Variants in LARGE1 observed in about 807,000 individuals in gnomAD.
LARGE1 encodes the protein xylosyl- and glucuronyltransferase LARGE1.
A neutral mutation model predicts 87.6 loss-of-function variants in LARGE1; 43 were observed. That is an observed-to-expected ratio of 0.49 (90% CI 0.38 to 0.63). The LOEUF (loss-of-function observed/expected upper bound fraction) is 0.63. LARGE1 is among the 30% of genes least tolerant of loss of function. The pLI, the probability that LARGE1 is intolerant of heterozygous loss-of-function variation, is 0.00. For missense variants in LARGE1, 802 were observed against 1,000.2 expected (o/e 0.80, Z 2.67); for synonymous variants, 434 against 394.6 (o/e 1.10, Z -1.18).
chr22:33,348,138 G>A lies in LARGE1; in HGVS notation c.1132-10337C>T, dbSNP rs144066589. Among the ~76,000 whole-genome samples, 227 of 152,230 alleles carry A rather than the reference G, an allele frequency of 1.5e-3. 1 individual carries two copies. The highest frequency in any genetic ancestry group is 5.2e-3 in the African/African-American group (216 of 41,560). On this transcript the variant is annotated intron_variant, in intron 9 of 14. Coordinates refer to ENST00000397394, the MANE Select transcript of LARGE1 (RefSeq NM_133642.5). ...AGACTTCAAGGAGTGACCCGAAAAG[G>A]GGACTATTCTGAAACACAGGCACTT...
intron 7 of LARGE1, among the ~76,000 whole-genome samples, chr22:33,391,370 G>A (rs958663123): frequency 1.3e-4 from 20 of 152,118 alleles, no homozygotes; most frequent in African/African-American, 4.6e-4. Context: ...ATAAATGGGA[G>A]GTGGGGAAGA....
At chr22:33,904,203 G>T (rs960658364) in intron 1 of LARGE1, among the ~76,000 whole-genome samples, 1 of 152,026 alleles carries the variant, frequency 6.6e-6, no homozygotes, top group Non-Finnish European at 1.5e-5. Flanking sequence ...TTGAGATGGA[G>T]TCTCATTCTG....
At position 33,325,310 on chromosome 22, in the gene LARGE1, TAAG is replaced by T. The variant is rs1380246236; in HGVS notation, c.1288-9065_1288-9063del. 3.3e-5 allele frequency among the ~76,000 whole-genome samples: 5 copies of T among 152,368 alleles called. 1 individual carries two copies. The highest frequency in any genetic ancestry group is 3.3e-4 in the Admixed American group (5 of 15,302). ...GCTGTATCTCCAGCCTCCTTGCAGT[TAAG>T]AATAACTCTGTGATACAGCTCTGGC... On this transcript the variant is annotated intron_variant, in intron 10 of 14. Transcript: ENST00000397394.
At chr22:33,891,611 G>C (rs915277959) in intron 1 of LARGE1, among the ~76,000 whole-genome samples, 1 of 152,138 alleles carries the variant, frequency 6.6e-6, no homozygotes. Flanking sequence ...CAACTCTTCA[G>C]ATCATGAGGA....
intron 12 of LARGE1, among the ~76,000 whole-genome samples, chr22:33,295,042 C>G (rs1301608626): frequency 6.6e-6 from 1 of 152,124 alleles, no homozygotes. Context: ...AACATTTGCC[C>G]AGGGCCTAGC....
At chr22:33,688,891 C>A (rs763034959) in intron 2 of LARGE1, among the ~76,000 whole-genome samples, 7 of 152,100 alleles carry the variant, frequency 4.6e-5, no homozygotes, top group Non-Finnish European at 1.0e-4. Flanking sequence ...AGTGGGCCCA[C>A]TCCACCTCCC....
At chr22:33,405,697 A>G (rs1202521049) in intron 7 of LARGE1, among the ~76,000 whole-genome samples, 1 of 152,180 alleles carries the variant, frequency 6.6e-6, no homozygotes, top group Non-Finnish European at 1.5e-5. Flanking sequence ...TAAATGGTGT[A>G]ACGATCCTTA....
intron 11 of LARGE1, among the ~76,000 whole-genome samples, chr22:33,176,722 G>A (rs1922892747): frequency 6.6e-6 from 1 of 152,192 alleles, no homozygotes; most frequent in South Asian, 2.1e-4. Context: ...GCATAAATTA[G>A]TTCAACCATT....
intron 2 of LARGE1, among the ~76,000 whole-genome samples, chr22:33,698,529 T>TGAGCTCCTAGCCTC (rs1406147351): frequency 1.3e-5 from 2 of 152,184 alleles, no homozygotes; most frequent in Non-Finnish European, 2.9e-5. Context: ...AGGCTAGTCT[T>TGAGCTCCTAGCCTC]GAGCTCCTAG....
At chr22:33,337,912 C>T in intron 9 of LARGE1, 111 bp from the exon 10 acceptor site, 4 of 1,150,216 alleles carry the variant, frequency 3.5e-6, no homozygotes, top group Non-Finnish European at 5.1e-6. Context: ...TGAGGGTCTG[C>T]TCATTCGCTC....
intron 7 of LARGE1, among the ~76,000 whole-genome samples, chr22:33,430,235 C>T (rs1048562123): frequency 1.3e-5 from 2 of 152,194 alleles, no homozygotes; most frequent in African/African-American, 4.8e-5. Context: ...ATAGGCATGG[C>T]ACCTGCCTCA....
chr22:33,586,317 T>C (rs1477036047), intron 5 of LARGE1, among the ~76,000 whole-genome samples: 2 of 152,194 alleles, frequency 1.3e-5, no homozygotes, highest in Non-Finnish European at 2.9e-5. Context: ...GATTATCCCT[T>C]GCAAGTCCTT....
At chr22:33,865,058 A>C (rs1204932081) in intron 1 of LARGE1, among the ~76,000 whole-genome samples, 4 of 152,180 alleles carry the variant, frequency 2.6e-5, no homozygotes, top group African/African-American at 9.7e-5. Flanking sequence ...GTTTGGATGC[A>C]CTGTTATCAT....
chr22:33,535,821 C>G (rs543154625), intron 6 of LARGE1, among the ~76,000 whole-genome samples: 1 of 152,094 alleles, frequency 6.6e-6, no homozygotes, highest in South Asian at 2.1e-4. Flanking sequence ...GTCGGTTCCC[C>G]CGTCCCATCT....
intron 6 of LARGE1, among the ~76,000 whole-genome samples, chr22:33,553,705 A>G (rs2077595102): frequency 6.6e-6 from 1 of 152,148 alleles, no homozygotes; most frequent in South Asian, 2.1e-4. Context: ...TTTAGAGTTG[A>G]GCAACACCCC....
intron 6 of LARGE1, among the ~76,000 whole-genome samples, chr22:33,519,104 C>T (rs1234589596): frequency 6.6e-6 from 1 of 152,040 alleles, no homozygotes; most frequent in Non-Finnish European, 1.5e-5. Context: ...TGGCTTTCTG[C>T]AGATTAAAAA....
chr22:33,109,902 C>T, the LARGE1 span, among the ~76,000 whole-genome samples: 1 of 152,142 alleles, frequency 6.6e-6, no homozygotes, highest in African/African-American at 2.4e-5. Context: ...TTCCTGAGGC[C>T]CTCACCAGAA....
At chr22:33,533,300 G>C (rs2076949550) in intron 6 of LARGE1, among the ~76,000 whole-genome samples, 1 of 152,152 alleles carries the variant, frequency 6.6e-6, no homozygotes, top group Non-Finnish European at 1.5e-5. Context: ...AACGTCGTCA[G>C]CTGCTGGGTG....
At chr22:33,357,595 G>A (rs1055646031) in intron 9 of LARGE1, among the ~76,000 whole-genome samples, 1 of 152,018 alleles carries the variant, frequency 6.6e-6, no homozygotes, top group African/African-American at 2.4e-5. Flanking sequence ...GGGAGTTTGA[G>A]ACCAGCCTGA....
Sources: gnomAD v4.1 joint callset for allele counts (sites outside exome capture counted in the v4.1 genomes callset) on GRCh38, gnomAD v4.1.1 for gene constraint, MANE v1.5 for transcripts, NCBI Gene and HGNC (gene_info 2026-07-23, HGNC 2026-07-21) for gene names.